The following RIN3 variants were observed in gnomAD, a reference collection of about 807,000 sequenced individuals.
RIN3 encodes the protein Ras and Rab interactor 3, also known as RAB5 interacting protein 3.
In RIN3, 54 loss-of-function variants were observed where a neutral mutation model predicts 76.3. That is an observed-to-expected ratio of 0.71 (90% CI 0.57 to 0.89). The LOEUF (loss-of-function observed/expected upper bound fraction) is 0.89, where lower values mean the gene tolerates loss of function less well. RIN3 is among the 40% of genes least tolerant of loss of function. RIN3 has a pLI of 0.00. For missense variants in RIN3, 1,256 were observed against 1,322.1 expected (o/e 0.95, Z 0.78); for synonymous variants, 576 against 564.0 (o/e 1.02, Z -0.30).
intron 3 of RIN3, among the ~76,000 whole-genome samples, chr14:92,605,936 A>T (rs1300286283): frequency 6.6e-6 from 1 of 152,190 alleles, no homozygotes; most frequent in Non-Finnish European, 1.5e-5. Flanking sequence ...AACACCCATT[A>T]TGTGCCTACT....
intron 2 of RIN3, chr14:92,576,453 AACCT>A (rs1260444739): frequency 7.9e-7 from 1 of 1,259,418 alleles, no homozygotes; most frequent in African/African-American, 1.5e-5. Flanking sequence ...GAAGAGAGTA[AACCT>A]ACAGCAGAAG....
chr14:92,633,595 C>G lies in RIN3; in HGVS notation c.441-7643C>G, dbSNP rs184572156. ...CTGAAGTGGGGGCAGTCTTGGGGGACTGAAGCCTTAAGTCTGCAGAGTCTA... is the reference window on the plus strand; with the variant it reads ...CTGAAGTGGGGGCAGTCTTGGGGGAGTGAAGCCTTAAGTCTGCAGAGTCTA... On this transcript the variant is annotated intron_variant, in intron 4 of 9. Transcript: ENST00000216487. Among the ~76,000 whole-genome samples the G allele has an allele frequency of 3.3e-5, 5 of 152,312 alleles. No homozygotes were observed. In the East Asian group the frequency reaches 7.7e-4, roughly 23 times the overall value.
chr14:92,642,434 G>C (rs958368191), intron 5 of RIN3, among the ~76,000 whole-genome samples: 1 of 152,078 alleles, frequency 6.6e-6, no homozygotes, highest in Admixed American at 6.6e-5. Flanking sequence ...AGTGTTTCAC[G>C]CAGCTGCTCA....
intron 3 of RIN3, among the ~76,000 whole-genome samples, chr14:92,602,766 A>G (rs558399521): frequency 1.3e-5 from 2 of 152,254 alleles, no homozygotes; most frequent in East Asian, 3.9e-4. Flanking sequence ...CAGAATCTGG[A>G]TTCCAGAGAG....
At chr14:92,666,526 C>T (rs955487720) in intron 7 of RIN3, among the ~76,000 whole-genome samples, 4 of 151,926 alleles carry the variant, frequency 2.6e-5, no homozygotes, top group African/African-American at 7.3e-5. Context: ...GGGGAGTTCA[C>T]GGAAGCAAAT....
chr14:92,684,503 G>A (rs189354422), intron 8 of RIN3, among the ~76,000 whole-genome samples: 162 of 152,062 alleles, frequency 1.1e-3, no homozygotes, highest in Non-Finnish European at 1.7e-3. Flanking sequence ...ATGGGTCCTG[G>A]AAGCATGGTT....
In RIN3 at chr14:92,623,946, G is replaced by A. The variant is rs546287769; in HGVS notation, c.440+8467G>A. ...TCAGGGAATAGCACAGAGAGAGTTC[G>A]ACAGAATTCACTATCCCAGGCTGTA... On this transcript the variant is annotated intron_variant, in intron 4 of 9. Transcript: ENST00000216487. The surrounding 1 kb of genome is among the most constrained non-coding windows in gnomAD (Gnocchi z 4.9). Among the ~76,000 whole-genome samples the A allele has an allele frequency of 3.3e-5, 5 of 152,172 alleles. No individual in the cohort carries two copies. The highest frequency in any genetic ancestry group is 9.7e-5 in the African/African-American group (4 of 41,434).
intron 3 of RIN3, among the ~76,000 whole-genome samples, chr14:92,584,535 C>G (rs1884695638): frequency 6.6e-6 from 1 of 152,220 alleles, no homozygotes; most frequent in African/African-American, 2.4e-5. Context: ...CAGTCCTCCT[C>G]TCTGCTGCAC....
chr14:92,574,316 T>C (rs1286995983), intron 2 of RIN3, among the ~76,000 whole-genome samples: 18 of 152,234 alleles, frequency 1.2e-4, no homozygotes, highest in Admixed American at 1.2e-3. Context: ...TTGCATTGCA[T>C]GCAAAGAAGC....
At chr14:92,634,371 C>A (rs1595471439) in intron 4 of RIN3, among the ~76,000 whole-genome samples, 1 of 152,270 alleles carries the variant, frequency 6.6e-6, no homozygotes, top group East Asian at 1.9e-4. Context: ...TGAGCCACTG[C>A]ACCCAGCCAG....
At chr14:92,592,669 TTA>T (rs1885024009) in intron 3 of RIN3, among the ~76,000 whole-genome samples, 1 of 146,196 alleles carries the variant, frequency 6.8e-6, no homozygotes, top group African/African-American at 2.5e-5. Flanking sequence ...ATTATTATTA[TTA>T]TTATTATTAT....
At chr14:92,653,224 G>C in intron 6 of RIN3, 149 bp downstream of exon 6, 1 of 843,524 alleles carries the variant, frequency 1.2e-6, no homozygotes, top group Non-Finnish European at 1.8e-6. Flanking sequence ...TTCTCTGGCT[G>C]CTGCAAGGTA....
chr14:92,666,429 C>T (rs901538434), intron 7 of RIN3, among the ~76,000 whole-genome samples: 19 of 152,156 alleles, frequency 1.2e-4, no homozygotes, highest in African/African-American at 3.6e-4. Context: ...TGCCAGTGGC[C>T]GGCCTGGGAA....
At chr14:92,549,973 G>A (rs57222338) in intron 1 of RIN3, among the ~76,000 whole-genome samples, 42,516 of 152,104 alleles carry the variant, frequency 0.28, 6,552 homozygotes, top group Middle Eastern at 0.4. Flanking sequence ...AGTTCAGCTG[G>A]TGAGAGGGAG....
chr14:92,522,072 A>G (rs984284888), intron 1 of RIN3, among the ~76,000 whole-genome samples: 15 of 152,128 alleles, frequency 9.9e-5, no homozygotes, highest in Non-Finnish European at 1.9e-4. Flanking sequence ...GGGCCTGGAA[A>G]GGTGGTTGGG....
chr14:92,525,615 A>G (rs907701424), intron 1 of RIN3, among the ~76,000 whole-genome samples: 3 of 152,124 alleles, frequency 2.0e-5, no homozygotes, highest in African/African-American at 7.2e-5. Flanking sequence ...AGCTGTGAAC[A>G]TCTGAGAAAC....
At chr14:92,572,614 C>A (rs1001673751) in intron 2 of RIN3, among the ~76,000 whole-genome samples, 1 of 152,172 alleles carries the variant, frequency 6.6e-6, no homozygotes, top group African/African-American at 2.4e-5. Flanking sequence ...GTAACATTTT[C>A]CCCTCAAGAG....
intron 1 of RIN3, among the ~76,000 whole-genome samples, chr14:92,542,485 T>C (rs1897151628): frequency 6.6e-6 from 1 of 152,192 alleles, no homozygotes; most frequent in Non-Finnish European, 1.5e-5. Flanking sequence ...TAAAATGGTG[T>C]AGCCACTTTG....
chr14:92,678,059 C>T (rs1039965494), intron 8 of RIN3, among the ~76,000 whole-genome samples: 1 of 150,918 alleles, frequency 6.6e-6, no homozygotes, highest in East Asian at 2.0e-4. Flanking sequence ...ATCCATCATT[C>T]ATCCATCCAT....
Sources: allele counts gnomAD v4.1 joint callset (sites outside exome capture counted in the v4.1 genomes callset), GRCh38; gene constraint gnomAD v4.1.1; non-coding constraint Gnocchi (gnomAD v3.1); transcripts MANE v1.5; gene names NCBI Gene and HGNC (gene_info 2026-07-23, HGNC 2026-07-21).